The following FAT3 variants were observed in gnomAD, a reference collection of about 807,000 sequenced individuals.
FAT3 encodes FAT atypical cadherin 3, also known as protocadherin Fat 3.
FAT3 carries 95 observed loss-of-function variants against 310.2 expected under a neutral mutation model. That is an observed-to-expected ratio of 0.31 (90% confidence interval 0.26 to 0.36). The LOEUF is 0.36. Among genes scored for constraint, FAT3 ranks in the 10% least tolerant of loss-of-function variants. The pLI is 1.00. For missense variants in FAT3, 5,408 were observed against 5,715.6 expected, an observed-to-expected ratio of 0.95 and a Z score of 1.74; for synonymous variants, 2,314 against 2,192.9, an observed-to-expected ratio of 1.06 and a Z score of -1.54.
At chr11:92,399,640 A>G in intron 2 of FAT3, among the ~76,000 whole-genome samples, 1 of 152,102 alleles carries the variant, frequency 6.6e-6, no homozygotes, top group East Asian at 1.9e-4. Flanking sequence ...AGAAATGCCT[A>G]TTTTCCATGA....
chr11:92,576,951 A>G (rs192330562), intron 3 of FAT3, among the ~76,000 whole-genome samples: 5 of 152,256 alleles, frequency 3.3e-5, no homozygotes, highest in Admixed American at 6.5e-5. Flanking sequence ...AAGGTTCACT[A>G]TGCTGTACAC....
At chr11:92,667,452 A>G (rs972666923) in intron 3 of FAT3, among the ~76,000 whole-genome samples, 2 of 152,102 alleles carry the variant, frequency 1.3e-5, no homozygotes, top group Non-Finnish European at 2.9e-5. Flanking sequence ...CCACACCATC[A>G]TCACCCCTCC....
chr11:92,689,599 T>G (rs2135883988), intron 3 of FAT3, among the ~76,000 whole-genome samples: 1 of 152,262 alleles, frequency 6.6e-6, no homozygotes, highest in Non-Finnish European at 1.5e-5. Context: ...GAGGGCTCTG[T>G]GCAGTTGGGA....
chr11:92,589,612 A>C (rs1262028923), intron 3 of FAT3, among the ~76,000 whole-genome samples: 1 of 151,988 alleles, frequency 6.6e-6, no homozygotes, highest in African/African-American at 2.4e-5. Flanking sequence ...CAAAGTGGAT[A>C]TATCATATTT....
intron 4 of FAT3, among the ~76,000 whole-genome samples, chr11:92,723,919 A>G (rs751096928): frequency 1.3e-5 from 2 of 152,208 alleles, no homozygotes; most frequent in South Asian, 4.1e-4. Flanking sequence ...CAGCCAAACC[A>G]TATCACCAAT....
intron 2 of FAT3, among the ~76,000 whole-genome samples, chr11:92,440,943 A>G (rs1397585656): frequency 2.6e-5 from 4 of 152,290 alleles, no homozygotes; most frequent in African/African-American, 9.6e-5. Flanking sequence ...CCTGTGGCAT[A>G]AAACAAAACC....
At position 92,882,504 on chromosome 11, in the gene FAT3, T is replaced by C. The variant is rs149369001; in HGVS notation, c.12282-234T>C. ...GTAGGAAAGGAAGACCTGGGAGAGA[T>C]TGGGTTGGGAGGAACACCTTAAGGC... is the stretch of plus-strand genomic sequence containing the variant. On this transcript the variant is annotated intron_variant, in intron 23 of 27. Coordinates refer to ENST00000525166, the MANE Select transcript of FAT3 (RefSeq NM_001367949.2). 1.5e-3 allele frequency among the ~76,000 whole-genome samples: 233 copies of C among 150,448 alleles called. 3 individuals carry two copies. The East Asian group carries it at 0.042, about 27-fold the overall frequency.
intron 3 of FAT3, among the ~76,000 whole-genome samples, chr11:92,567,169 A>G (rs1425019363): frequency 7.1e-6 from 1 of 140,564 alleles, no homozygotes; most frequent in Non-Finnish European, 1.5e-5. Context: ...AGAATCTACA[A>G]TGAACTCAAA....
At chr11:92,569,609 A>T (rs879787693) in intron 3 of FAT3, among the ~76,000 whole-genome samples, 3 of 152,162 alleles carry the variant, frequency 2.0e-5, no homozygotes, top group Non-Finnish European at 4.4e-5. Context: ...TTGAGCAGAA[A>T]CACTGGCACT....
chr11:92,676,603 G>A (rs2135843186), intron 3 of FAT3, among the ~76,000 whole-genome samples: 1 of 152,286 alleles, frequency 6.6e-6, no homozygotes, highest in African/African-American at 2.4e-5. Context: ...TTTGTTGAGT[G>A]AATCAAAGAA....
chr11:92,662,413 A>G (rs1942817112), intron 3 of FAT3, among the ~76,000 whole-genome samples: 1 of 152,124 alleles, frequency 6.6e-6, no homozygotes, highest in South Asian at 2.1e-4. Context: ...GCTTCCTTTC[A>G]TGGAGTAACT....
intron 3 of FAT3, among the ~76,000 whole-genome samples, chr11:92,570,222 C>T (rs1477915456): frequency 6.6e-6 from 1 of 152,194 alleles, no homozygotes. Context: ...TTTCCAGTGT[C>T]TGCCAAGTGG....
intron 3 of FAT3, among the ~76,000 whole-genome samples, chr11:92,579,028 A>G (rs964398724): frequency 3.3e-5 from 5 of 152,146 alleles, no homozygotes; most frequent in African/African-American, 1.2e-4. Flanking sequence ...AAGACAGTTC[A>G]TTATGAAAAA....
chr11:92,314,785 A>T (rs1178625831), intron 1 of FAT3, among the ~76,000 whole-genome samples: 1 of 152,180 alleles, frequency 6.6e-6, no homozygotes, highest in Non-Finnish European at 1.5e-5. Context: ...CTACAGGGCC[A>T]AGCTTTTTTA....
intron 19 of FAT3, among the ~76,000 whole-genome samples, chr11:92,851,108 C>T (rs1363919346): frequency 1.3e-5 from 2 of 152,140 alleles, no homozygotes; most frequent in East Asian, 3.8e-4. Context: ...GTTCCTGTGA[C>T]GCGGATGAGT....
Position 92,352,092 on chromosome 11 carries a change from C to A in FAT3, c.-17-4C>A, listed in dbSNP as rs772814354. ...TCTTTTCTCTCTCTCTTTCTTCCCT[C>A]CAGGATGGAAGTATGATGTGATGGA... On this transcript the variant is annotated splice_region_variant and splice_polypyrimidine_tract_variant and intron_variant, in intron 1 of 27. Transcript: ENST00000525166. 14 of 1,283,896 alleles carry A rather than the reference C, an allele frequency of 1.1e-5. 1 individual carries two copies. In the South Asian group the frequency reaches 1.5e-4, roughly 14 times the overall value. The allele number at this position is 1,283,896 out of a possible 1,614,324, so 79.5% of individuals were successfully genotyped here.
intron 2 of FAT3, among the ~76,000 whole-genome samples, chr11:92,486,130 GTTTTTTTTTTTT>G (rs71064714): frequency 2.7e-4 from 10 of 37,146 alleles, no homozygotes; most frequent in African/African-American, 7.8e-4. Context: ...GGCTGCTGGG[GTTTTTTTTTTTT>G]TTTTTTTTTT....
At chr11:92,292,263 G>A (rs1036856821) in intron 1 of FAT3, among the ~76,000 whole-genome samples, 1 of 152,044 alleles carries the variant, frequency 6.6e-6, no homozygotes, top group African/African-American at 2.4e-5. Context: ...GCATAAGTAT[G>A]TGACTACATT....
intron 3 of FAT3, among the ~76,000 whole-genome samples, chr11:92,611,456 A>G (rs1022067427): frequency 2.6e-5 from 4 of 151,968 alleles, no homozygotes; most frequent in African/African-American, 4.8e-5. Flanking sequence ...CTCCCAGGCT[A>G]GAATACAGTG....
Sources: gnomAD v4.1 joint callset for allele counts (sites outside exome capture counted in the v4.1 genomes callset) on GRCh38, gnomAD v4.1.1 for gene constraint, MANE v1.5 for transcripts, NCBI Gene and HGNC (gene_info 2026-07-23, HGNC 2026-07-21) for gene names.